CACNA2D3: variants seen among roughly 807,000 people sequenced by gnomAD.
The protein encoded by CACNA2D3 is calcium voltage-gated channel auxiliary subunit alpha2delta 3.
CACNA2D3 carries 60 observed loss-of-function variants against 160.6 expected under a neutral mutation model. The ratio of observed to expected loss-of-function variants is 0.37; its 90% CI spans 0.30 to 0.46. The LOEUF (loss-of-function observed/expected upper bound fraction) is 0.46. Ranked by LOEUF, CACNA2D3 falls within the 20% of genes least tolerant of loss-of-function variation. CACNA2D3 has a pLI of 1.00. For synonymous variants in CACNA2D3, 558 were observed against 492.9 expected, an observed-to-expected ratio of 1.13 and a Z score of -1.75; for missense variants, 1,205 against 1,365.0, an observed-to-expected ratio of 0.88 and a Z score of 1.85.
intron 5 of CACNA2D3, among the ~76,000 whole-genome samples, chr3:54,516,798 G>C (rs1357175817): frequency 1.3e-5 from 2 of 152,178 alleles, no homozygotes; most frequent in Non-Finnish European, 2.9e-5. Flanking sequence ...TTCTGGGGTA[G>C]ATTTTCATGT....
At chr3:54,208,363 C>T (rs901852624) in intron 2 of CACNA2D3, among the ~76,000 whole-genome samples, 1 of 152,198 alleles carries the variant, frequency 6.6e-6, no homozygotes, top group Admixed American at 6.5e-5. Context: ...CTATCTCGGC[C>T]TTCCAAAGTG....
chr3:54,625,157 C>A lies in CACNA2D3; in HGVS notation c.964-2630C>A, dbSNP rs540145160. 4.6e-5 allele frequency among the ~76,000 whole-genome samples: 7 copies of A among 152,296 alleles called. No homozygotes were observed. In the East Asian group the frequency reaches 1.4e-3, roughly 29 times the overall value. On this transcript the variant is annotated intron_variant, in intron 9 of 37. Coordinates refer to ENST00000474759, the MANE Select transcript of CACNA2D3 (RefSeq NM_018398.3). ...GCATTCCTCTCCCCCATCACTCAAG[C>A]CATTTGATCATCCCCTGAAGACTTA...
chr3:54,897,673 C>A (rs1226679892), intron 26 of CACNA2D3, among the ~76,000 whole-genome samples: 2 of 152,198 alleles, frequency 1.3e-5, no homozygotes, highest in Non-Finnish European at 2.9e-5. Flanking sequence ...TATTAATCTT[C>A]TACAAATATT....
chr3:54,278,663 A>G (rs1056061105), intron 2 of CACNA2D3, among the ~76,000 whole-genome samples: 1 of 152,174 alleles, frequency 6.6e-6, no homozygotes, highest in Non-Finnish European at 1.5e-5. Flanking sequence ...CATAAAAAAG[A>G]ATGAGTTCAT....
At chr3:54,926,995 A>G (rs3806632) in intron 27 of CACNA2D3, among the ~76,000 whole-genome samples, 112,794 of 152,104 alleles carry the variant, frequency 0.74, 42,187 homozygotes, top group East Asian at 0.86. Flanking sequence ...TCAAAATATG[A>G]CAAACATCTG....
chr3:54,740,174 C>A (rs1395842342), intron 11 of CACNA2D3, among the ~76,000 whole-genome samples: 3 of 152,012 alleles, frequency 2.0e-5, no homozygotes, highest in Admixed American at 1.3e-4. Flanking sequence ...GTATTTGAGC[C>A]CTCTGCTTGA....
intron 5 of CACNA2D3, among the ~76,000 whole-genome samples, chr3:54,531,709 T>C (rs930049108): frequency 6.6e-6 from 1 of 152,204 alleles, no homozygotes; most frequent in South Asian, 2.1e-4. Flanking sequence ...GTCAGAGGGA[T>C]TGGCTAGTTA....
chr3:55,011,234 T>C (rs1333240013), intron 34 of CACNA2D3, among the ~76,000 whole-genome samples: 1 of 152,222 alleles, frequency 6.6e-6, no homozygotes, highest in Non-Finnish European at 1.5e-5. Flanking sequence ...GACAGCCCAG[T>C]GGAGCAGGGC....
intron 4 of CACNA2D3, among the ~76,000 whole-genome samples, chr3:54,418,996 C>T (rs1454315248): frequency 1.3e-5 from 2 of 152,220 alleles, no homozygotes; most frequent in African/African-American, 4.8e-5. Flanking sequence ...ACACATCTGG[C>T]ACTCAGTAAC....
At chr3:54,898,648 A>G (rs1360185628) in intron 26 of CACNA2D3, among the ~76,000 whole-genome samples, 1 of 152,210 alleles carries the variant, frequency 6.6e-6, no homozygotes, top group African/African-American at 2.4e-5. Context: ...TCCTTGTCAC[A>G]ATCCTCTAAA....
chr3:54,994,961 T>G (rs1403540988), intron 31 of CACNA2D3, among the ~76,000 whole-genome samples: 2 of 151,822 alleles, frequency 1.3e-5, no homozygotes, highest in African/African-American at 4.9e-5. Flanking sequence ...AAGAAAGTCT[T>G]TCTTTTTATT....
At chr3:54,589,469 T>G (rs1702821227) in intron 9 of CACNA2D3, among the ~76,000 whole-genome samples, 1 of 151,946 alleles carries the variant, frequency 6.6e-6, no homozygotes, top group Non-Finnish European at 1.5e-5. Flanking sequence ...ATCTTCAAGA[T>G]GTAGGGCTAG....
intron 9 of CACNA2D3, among the ~76,000 whole-genome samples, chr3:54,618,284 A>G (rs902563932): frequency 6.6e-6 from 1 of 150,484 alleles, no homozygotes; most frequent in African/African-American, 2.4e-5. Flanking sequence ...TTGAAAACAT[A>G]AAATACTGAA....
chr3:54,752,276 G>C (rs1458133596), intron 11 of CACNA2D3, among the ~76,000 whole-genome samples: 1 of 152,206 alleles, frequency 6.6e-6, no homozygotes, highest in Non-Finnish European at 1.5e-5. Flanking sequence ...ATTTGGTCCA[G>C]ACTTAGATGA....
At chr3:54,656,815 G>A (rs563222274) in intron 11 of CACNA2D3, among the ~76,000 whole-genome samples, 2 of 152,304 alleles carry the variant, frequency 1.3e-5, no homozygotes, top group Admixed American at 6.5e-5. Context: ...CCCTTCCCCA[G>A]TTAGAATTGG....
chr3:54,636,686 C>T (rs1222545325), intron 10 of CACNA2D3, among the ~76,000 whole-genome samples: 1 of 151,780 alleles, frequency 6.6e-6, no homozygotes, highest in Non-Finnish European at 1.5e-5. Context: ...TATAACCATG[C>T]CTAGGAAGGA....
intron 17 of CACNA2D3, among the ~76,000 whole-genome samples, chr3:54,847,892 G>A (rs763800523): frequency 3.3e-5 from 5 of 152,188 alleles, no homozygotes; most frequent in Non-Finnish European, 5.9e-5. Context: ...TGGACTCCTA[G>A]TGTGTATTTA....
intron 3 of CACNA2D3, among the ~76,000 whole-genome samples, chr3:54,354,595 C>A (rs1448886750): frequency 6.6e-6 from 1 of 152,146 alleles, no homozygotes; most frequent in Admixed American, 6.5e-5. Context: ...AGTGCTCTTA[C>A]TTCTAAGCAA....
intron 4 of CACNA2D3, among the ~76,000 whole-genome samples, chr3:54,482,718 G>A (rs1464481452): frequency 2.0e-5 from 3 of 152,166 alleles, no homozygotes; most frequent in Non-Finnish European, 4.4e-5. Flanking sequence ...ATGCCACTGG[G>A]TCTCGGAGCT....
Sources: gnomAD v4.1 joint callset for allele counts (sites outside exome capture counted in the v4.1 genomes callset) on GRCh38, gnomAD v4.1.1 for gene constraint, MANE v1.5 for transcripts, NCBI Gene and HGNC (gene_info 2026-07-23, HGNC 2026-07-21) for gene names.